ADSS1: variants seen among roughly 807,000 people sequenced by gnomAD.
ADSS1 encodes adenylosuccinate synthase 1, also known as adenylosuccinate synthetase isozyme 1.
ADSS1 carries 57 observed loss-of-function variants against 59.1 expected under a neutral mutation model. The observed-to-expected ratio is 0.97, with a 90% CI of 0.78 to 1.20. The LOEUF (loss-of-function observed/expected upper bound fraction) is 1.20. Among genes scored for constraint, ADSS1 ranks in the 50% most tolerant of loss-of-function variants. ADSS1 has a pLI of 0.00. For missense variants in ADSS1, 603 were observed against 610.3 expected (o/e 0.99, Z 0.13); for synonymous variants, 247 against 249.4 (o/e 0.99, Z 0.09).
chr14:104,726,861 C>G (rs943205184), intron 1 of ADSS1, among the ~76,000 whole-genome samples: 2 of 152,198 alleles, frequency 1.3e-5, no homozygotes, highest in African/African-American at 2.4e-5. Flanking sequence ...GCCCTGGCAA[C>G]AAGCCTGTTC....
In ADSS1 at chr14:104,746,325, G is replaced by T. The variant is rs1891553389; in HGVS notation, c.1261G>T (p.Asp421Tyr). ...ADTTGARRWE[D>Y]LPPQAQNYIR... ...CACCACAGGCGCCAGGAGGTGGGAG[G>T]ACCTGCCCCCACAGGCCCAGAACTA... Residue 421 changes from aspartate (D) to tyrosine (Y), a missense_variant, in exon 12 of 13, where the codon GAC (aspartate) becomes TAC (tyrosine). By Grantham distance (160) the Asp-to-Tyr change is radical. Transcript: ENST00000330877. The T allele has an allele frequency of 6.2e-7, 1 of 1,613,710 alleles. No individual in the cohort carries two copies. The highest frequency in any genetic ancestry group is 1.7e-5 in the Admixed American group (1 of 60,002).
intron 8 of ADSS1, 81 bp from the exon 9 acceptor site, chr14:104,741,767 T>A: frequency 6.4e-7 from 1 of 1,561,724 alleles, no homozygotes; most frequent in Non-Finnish European, 8.7e-7. Context: ...CCACTGCCCT[T>A]TACTGAGAAG....
At chr14:104,727,726 C>T (rs59607964) in intron 1 of ADSS1, among the ~76,000 whole-genome samples, 14,534 of 152,234 alleles carry the variant, frequency 0.095, 1,335 homozygotes, top group East Asian at 0.49. Flanking sequence ...CTCCCCTGCC[C>T]CCTGTTCCCA....
chr14:104,744,741 A>G, intron 10 of ADSS1, 71 bp from the exon 11 acceptor site: 12 of 1,489,850 alleles, frequency 8.1e-6, no homozygotes, highest in Non-Finnish European at 1.1e-5. Context: ...CGAGAGGTCA[A>G]AAGCAAGCGG....
chr14:104,735,757 A>T (rs1292584586), intron 2 of ADSS1, among the ~76,000 whole-genome samples: 1 of 149,430 alleles, frequency 6.7e-6, no homozygotes, highest in Non-Finnish European at 1.5e-5. Context: ...GAGGCGAGCC[A>T]CCTCTGTCCC....
rs767426853 is a variant in ADSS1, at chr14:104,739,744, C to T, written c.410-6C>T. The T allele has an allele frequency of 9.3e-6, 15 of 1,613,744 alleles. No individual in the cohort carries two copies. Among genetic ancestry groups the T allele is most frequent in the African/African-American group, 5.3e-5 (4 of 74,904 alleles). On this transcript the variant is annotated splice_polypyrimidine_tract_variant and splice_region_variant and intron_variant, in intron 4 of 12. Transcript: ENST00000330877. ...TCCTGCTGCCCTCACCTGGCCCGCCCGACAGTGTTTGATTTTCACCAGGCT... is the reference window on the plus strand; with the variant it reads ...TCCTGCTGCCCTCACCTGGCCCGCCTGACAGTGTTTGATTTTCACCAGGCT...
rs369307679 is a variant in ADSS1 at position 104,730,539 on chromosome 14, G to A, written c.193-4481G>A. On this transcript the variant is annotated intron_variant, in intron 1 of 12. Coordinates refer to ENST00000330877, the MANE Select transcript of ADSS1 (RefSeq NM_152328.5). The stretch of plus-strand genomic sequence containing the variant: ...CTGTCCAGGCTGTGTATTTTGTTTT[G>A]GCAGCCCTGGAGACTATAGATAGAT... 1.7e-3 allele frequency among the ~76,000 whole-genome samples: 261 copies of A among 152,286 alleles called. 1 individual carries two copies. The highest frequency in any genetic ancestry group is 6.1e-3 in the African/African-American group (254 of 41,530).
chr14:104,738,020 G>A, intron 2 of ADSS1: 1 of 238,268 alleles, frequency 4.2e-6, no homozygotes, highest in Non-Finnish European at 8.3e-6. Flanking sequence ...TTTGTTTTTT[G>A]AGACGGAGTC....
rs935809557 is a variant in ADSS1, at chr14:104,740,900, G to A, written c.646G>A (p.Gly216Ser). The stretch of plus-strand genomic sequence containing the variant: ...CCCCACCCTGGAAATAGACATTGAA[G>A]GCCAACTCAAAAGGCTCAAGGTGAA... ...MFPTLEIDIE[G>S]QLKRLKGFAE... Residue 216 changes from glycine to serine, a missense_variant, in exon 7 of 13, where the codon GGC becomes AGC. Transcript: ENST00000330877. The surrounding 1 kb of genome is among the most constrained non-coding windows in gnomAD (Gnocchi z 4.8). The A allele has an allele frequency of 1.2e-6, 2 of 1,613,962 alleles. No homozygotes were observed. Among genetic ancestry groups the A allele is most frequent in the Non-Finnish European group, 1.7e-6 (2 of 1,180,034 alleles).
intron 1 of ADSS1, among the ~76,000 whole-genome samples, chr14:104,730,510 A>T (rs2140756453): frequency 6.6e-6 from 1 of 152,284 alleles, no homozygotes; most frequent in South Asian, 2.1e-4. Context: ...TCCATTGTTT[A>T]AAGCTGTCCA....
In ADSS1 at chr14:104,741,831, C is replaced by G. The variant is rs375399587; in HGVS notation, c.794-17C>G. The stretch of plus-strand genomic sequence containing the variant: ...AGGGGGTGACAGGTAGCCCCCTAAA[C>G]CTGCTCTGTCTTGCAGGGACCTACC... On this transcript the variant is annotated splice_polypyrimidine_tract_variant and intron_variant, in intron 8 of 12. Transcript: ENST00000330877. The G allele has an allele frequency of 3.1e-6, 5 of 1,612,568 alleles. No individual in the cohort carries two copies. The highest frequency in any genetic ancestry group is 3.4e-6 in the Non-Finnish European group (4 of 1,179,690).
intron 1 of ADSS1, among the ~76,000 whole-genome samples, chr14:104,730,977 C>T (rs1236185478): frequency 2.2e-5 from 2 of 92,410 alleles, no homozygotes; most frequent in African/African-American, 7.8e-5. Flanking sequence ...GGGGGGGGCT[C>T]AGTGTCCGTG....
Position 104,724,431 on chromosome 14 carries a change from C to T in ADSS1, c.161C>T (p.Ala54Val). 7.9e-7 allele frequency: 1 copy of T among 1,260,360 alleles called. No homozygotes were observed. Among genetic ancestry groups the T allele is most frequent in the Non-Finnish European group, 1.0e-6 (1 of 997,782 alleles). 78.1% of individuals were successfully genotyped at this position (1,260,360 alleles called of 1,614,324 possible). ...AAAGGCAAGGTGGTGGACCTGCTGG[C>T]CACGGACGCCGACATCATCAGCCGC... Reference protein sequence around the residue: ...EGKGKVVDLLATDADIISRCQ... With the variant: ...EGKGKVVDLLVTDADIISRCQ... The change falls in exon 1 of 13, where the codon GCC (alanine) becomes GTC (valine). Residue 54 changes from alanine to valine, a missense_variant. By Grantham distance (64) the Ala-to-Val change is moderately conservative. Transcript: ENST00000330877.
chr14:104,742,238 C>G (rs1323275720), intron 9 of ADSS1, among the ~76,000 whole-genome samples: 1 of 152,252 alleles, frequency 6.6e-6, no homozygotes, highest in Non-Finnish European at 1.5e-5. Context: ...GCGCACATGC[C>G]CACACGTACA....
intron 3 of ADSS1, 134 bp from the exon 4 acceptor site, chr14:104,739,194 G>A: frequency 1.2e-6 from 1 of 852,678 alleles, no homozygotes. Flanking sequence ...CGCAACAGAG[G>A]TGGCCCTGTC....
chr14:104,724,488 C>A (rs769088460), intron 1 of ADSS1, 26 bp downstream of exon 1: 10 of 1,038,622 alleles, frequency 9.6e-6, no homozygotes, highest in African/African-American at 1.7e-5. Context: ...CCGGGTCCCT[C>A]CCCCACCGCC....
At chr14:104,725,593 CCCTTG>C (rs1326182931) in intron 1 of ADSS1, among the ~76,000 whole-genome samples, 1 of 152,180 alleles carries the variant, frequency 6.6e-6, no homozygotes, top group Admixed American at 6.5e-5. Flanking sequence ...GGGACCTCCC[CCCTTG>C]CTCTCCGTCC....
chr14:104,733,439 G>C (rs1891004173), intron 1 of ADSS1, among the ~76,000 whole-genome samples: 1 of 152,222 alleles, frequency 6.6e-6, no homozygotes, highest in Admixed American at 6.5e-5. Context: ...CTGTCCCCAG[G>C]GTTGCCCTGC....
intron 4 of ADSS1, 35 bp from the exon 5 acceptor site, chr14:104,739,715 T>C: frequency 6.2e-7 from 1 of 1,611,560 alleles, no homozygotes. Flanking sequence ...GCTTCTCTCC[T>C]GTCTCCTGCT....
Sources: allele counts gnomAD v4.1 joint callset (sites outside exome capture counted in the v4.1 genomes callset), GRCh38; gene constraint gnomAD v4.1.1; non-coding constraint Gnocchi (gnomAD v3.1); transcripts MANE v1.5; gene names NCBI Gene and HGNC (gene_info 2026-07-23, HGNC 2026-07-21).